COL4A1: variants seen among roughly 807,000 people sequenced by gnomAD.
COL4A1 encodes the protein collagen type IV alpha 1 chain.
A neutral mutation model predicts 216.6 loss-of-function variants in COL4A1; 40 were observed. That is an observed-to-expected ratio of 0.18 (90% CI 0.14 to 0.24). COL4A1 has a LOEUF of 0.24. COL4A1 is among the 10% of genes least tolerant of loss of function. COL4A1 has a pLI of 1.00. For missense variants in COL4A1, 1,628 were observed against 2,196.8 expected (o/e 0.74, Z 5.18); for synonymous variants, 839 against 810.7 (o/e 1.03, Z -0.59).
intron 2 of COL4A1, among the ~76,000 whole-genome samples, chr13:110,219,967 C>CATAT (rs71127921): frequency 0.023 from 3,084 of 133,996 alleles, 56 homozygotes; most frequent in African/African-American, 0.041. Context: ...CATACATATA[C>CATAT]ATATATATAT....
chr13:110,219,868 G>A (rs1422470035), intron 2 of COL4A1, among the ~76,000 whole-genome samples: 16,612 of 100,704 alleles, frequency 0.16, 1,391 homozygotes, highest in Middle Eastern at 0.23. Flanking sequence ...ATATATGTGT[G>A]TGTATATATG....
At chr13:110,200,949 C>A in intron 19 of COL4A1, 60 bp from the exon 20 acceptor site, 1 of 1,554,682 alleles carries the variant, frequency 6.4e-7, no homozygotes. Context: ...GTATACACTT[C>A]TTATTTCTCT....
chr13:110,289,160 G>A (rs968555223), intron 1 of COL4A1, among the ~76,000 whole-genome samples: 11 of 152,094 alleles, frequency 7.2e-5, no homozygotes, highest in Admixed American at 3.9e-4. Context: ...TCATTTTGGC[G>A]AGTGCTGGAT....
chr13:110,256,456 C>T (rs1423349712), intron 1 of COL4A1, among the ~76,000 whole-genome samples: 3 of 152,276 alleles, frequency 2.0e-5, no homozygotes, highest in South Asian at 2.1e-4. Flanking sequence ...GCACTGTGAA[C>T]GTGCATCCTC....
intron 49 of COL4A1, among the ~76,000 whole-genome samples, chr13:110,156,476 A>C (rs613116): frequency 0.87 from 132,353 of 152,242 alleles, 57,583 homozygotes; most frequent in East Asian, 0.95. Context: ...CTTGGCTCAG[A>C]TGTCCAAGGT....
At chr13:110,303,960 A>G (rs1884592148) in intron 1 of COL4A1, among the ~76,000 whole-genome samples, 1 of 152,192 alleles carries the variant, frequency 6.6e-6, no homozygotes, top group South Asian at 2.1e-4. Flanking sequence ...GTACCCCCAA[A>G]TCATCTGCTT....
intron 26 of COL4A1, among the ~76,000 whole-genome samples, chr13:110,185,776 A>G (rs1429253198): frequency 6.6e-6 from 1 of 152,100 alleles, no homozygotes. Flanking sequence ...GGGAGCCCAC[A>G]CTCATCCCTG....
At chr13:110,151,794 C>T (rs931810381) in intron 51 of COL4A1, among the ~76,000 whole-genome samples, 1 of 152,158 alleles carries the variant, frequency 6.6e-6, no homozygotes, top group African/African-American at 2.4e-5. Flanking sequence ...GGTTAGTAGC[C>T]ACTTGGGCCA....
chr13:110,210,307 C>T, intron 8 of COL4A1, 95 bp from the exon 9 acceptor site: 1 of 1,159,030 alleles, frequency 8.6e-7, no homozygotes. Flanking sequence ...ATTAGTGTTA[C>T]AGGACTAGCC....
exon 1 of COL4A1, chr13:110,307,134 TGCGGCGGCTCCAAGCGGAGACCTGAGC>T: frequency 1.1e-6 from 1 of 920,060 alleles, no homozygotes; most frequent in Non-Finnish European, 1.5e-6. This position sits in a 1 kb window ranked among gnomAD's most constrained non-coding sequence, Gnocchi z 5.0. Flanking sequence ...CCGTCCCGGG[TGCGGCGGCTCCAAGCGGAGACCTGAGC>T]GCGGCGGGCC....
chr13:110,296,226 T>G (rs1884269937), intron 1 of COL4A1, among the ~76,000 whole-genome samples: 1 of 152,226 alleles, frequency 6.6e-6, no homozygotes, highest in Non-Finnish European at 1.5e-5. Flanking sequence ...CTTGTTTCAA[T>G]TTGCTTTTGT....
Position 110,307,068 on chromosome 13 carries a change from G to A in COL4A1, c.-41C>T. The stretch of plus-strand genomic sequence containing the variant: ...GCGGCGAGGGACGGCTGCCCGGCGT[G>A]CGGGGGCCGCGGCGGACAGCTAGCT... On this transcript the variant is annotated 5_prime_UTR_variant, in exon 1 of 52. Transcript: ENST00000375820. The surrounding 1 kb of genome is among the most constrained non-coding windows in gnomAD (Gnocchi z 5.0). 1 of 1,396,608 alleles carries A rather than the reference G, an allele frequency of 7.2e-7. No individual in the cohort carries two copies. The highest frequency in any genetic ancestry group is 1.5e-5 in the South Asian group (1 of 67,336). 86.5% of individuals were successfully genotyped at this position (1,396,608 alleles called of 1,614,324 possible).
At chr13:110,203,175 T>C (rs1161679634) in intron 18 of COL4A1, among the ~76,000 whole-genome samples, 1 of 151,588 alleles carries the variant, frequency 6.6e-6, no homozygotes, top group Non-Finnish European at 1.5e-5. Context: ...ATCGCACCAC[T>C]GCACTCCAGC....
intron 1 of COL4A1, among the ~76,000 whole-genome samples, chr13:110,244,746 G>T (rs1268293467): frequency 1.3e-5 from 2 of 152,148 alleles, no homozygotes; most frequent in Non-Finnish European, 2.9e-5. Flanking sequence ...TGCTTTGGAG[G>T]CAGCCTCACA....
At chr13:110,181,940 C>G (rs1377753796) in intron 28 of COL4A1, among the ~76,000 whole-genome samples, 1 of 152,204 alleles carries the variant, frequency 6.6e-6, no homozygotes, top group Non-Finnish European at 1.5e-5. Flanking sequence ...ACACTGAGGT[C>G]TCCGATGTCC....
intron 18 of COL4A1, among the ~76,000 whole-genome samples, chr13:110,202,351 A>G (rs746729060): frequency 1.6e-4 from 24 of 152,234 alleles, no homozygotes; most frequent in Non-Finnish European, 1.0e-4. Flanking sequence ...AATTAATGGA[A>G]TTCAAGACAA....
At chr13:110,290,921 G>A (rs1442659665) in intron 1 of COL4A1, among the ~76,000 whole-genome samples, 2 of 152,342 alleles carry the variant, frequency 1.3e-5, no homozygotes, top group East Asian at 1.9e-4. Context: ...AACTCGGCAG[G>A]GGGGTCGCCG....
chr13:110,280,248 C>T (rs989409971), intron 1 of COL4A1, among the ~76,000 whole-genome samples: 3 of 152,188 alleles, frequency 2.0e-5, no homozygotes, highest in Non-Finnish European at 2.9e-5. Context: ...TAGTTTGCTG[C>T]GTGTTTGCTC....
intron 1 of COL4A1, among the ~76,000 whole-genome samples, chr13:110,296,927 A>G (rs184712742): frequency 6.6e-6 from 1 of 152,358 alleles, no homozygotes; most frequent in East Asian, 1.9e-4. Context: ...AGAACATGGA[A>G]GAGAGGCACA....
Sources: gnomAD v4.1 joint callset for allele counts (sites outside exome capture counted in the v4.1 genomes callset) on GRCh38, gnomAD v4.1.1 for gene constraint, Gnocchi (gnomAD v3.1) non-coding constraint, MANE v1.5 for transcripts, NCBI Gene and HGNC (gene_info 2026-07-23, HGNC 2026-07-21) for gene names.